Variants in MLF1 observed in about 807,000 individuals in gnomAD.
The protein encoded by MLF1 is myeloid leukemia factor 1.
Under a neutral mutation model 38.3 loss-of-function variants are expected in MLF1, and 37 were observed. The observed-to-expected ratio is 0.96, with a 90% CI of 0.74 to 1.27. The LOEUF is 1.27. Among genes scored for constraint, MLF1 ranks in the 50% most tolerant of loss-of-function variants. The pLI, the probability that MLF1 is intolerant of heterozygous loss-of-function variation, is 0.00. For synonymous variants in MLF1, 95 were observed against 106.5 expected, an observed-to-expected ratio of 0.89 and a Z score of 0.66; for missense variants, 331 against 349.2, an observed-to-expected ratio of 0.95 and a Z score of 0.42.
intron 1 of MLF1, among the ~76,000 whole-genome samples, chr3:158,579,332 A>G (rs1355377139): frequency 6.6e-6 from 1 of 152,204 alleles, no homozygotes; most frequent in Non-Finnish European, 1.5e-5. Flanking sequence ...GACAAGAGAA[A>G]CATTAAAGCC....
At chr3:158,588,830 A>G (rs1019740856) in intron 1 of MLF1, 2 of 456,162 alleles carry the variant, frequency 4.4e-6, no homozygotes, top group African/African-American at 4.0e-5. Context: ...AACAAACCTC[A>G]TTTGAGGATG....
At chr3:158,592,051 G>A (rs1283386433) in intron 1 of MLF1, among the ~76,000 whole-genome samples, 2 of 152,130 alleles carry the variant, frequency 1.3e-5, no homozygotes, top group Non-Finnish European at 2.9e-5. Context: ...TTAGTTTACA[G>A]TTGGGCAACA....
chr3:158,583,919 CA>C (rs1716808415), intron 1 of MLF1, among the ~76,000 whole-genome samples: 1 of 152,102 alleles, frequency 6.6e-6, no homozygotes, highest in Non-Finnish European at 1.5e-5. Flanking sequence ...AACAGAGCTC[CA>C]ACTGGACCAA....
chr3:158,576,356 A>G lies in MLF1; in HGVS notation c.47+5009A>G, dbSNP rs190068662. ...GGCATGCAGTTCTCTCAAGAATACTATCTTTCTCTCACATCTGTATTTGCT... is the reference window on the plus strand; with the variant it reads ...GGCATGCAGTTCTCTCAAGAATACTGTCTTTCTCTCACATCTGTATTTGCT... On this transcript the variant is annotated intron_variant, in intron 1 of 7. Transcript: ENST00000466246. Among the ~76,000 whole-genome samples the G allele has an allele frequency of 7.9e-5, 12 of 152,360 alleles. No individual in the cohort carries two copies. The East Asian group carries it at 1.9e-3, about 24-fold the overall frequency.
At chr3:158,599,687 T>A (rs1719456246) in intron 5 of MLF1, among the ~76,000 whole-genome samples, 1 of 152,138 alleles carries the variant, frequency 6.6e-6, no homozygotes, top group Non-Finnish European at 1.5e-5. Flanking sequence ...TTTGTAGGAA[T>A]CCCACCATAA....
At chr3:158,602,721 G>C in intron 6 of MLF1, 86 bp from the exon 7 acceptor site, 2 of 1,369,392 alleles carry the variant, frequency 1.5e-6, no homozygotes, top group South Asian at 1.4e-5. Context: ...GAAAACACCA[G>C]ACTAGACTGA....
At chr3:158,604,859 A>C (rs1489512073) in intron 7 of MLF1, among the ~76,000 whole-genome samples, 1 of 152,084 alleles carries the variant, frequency 6.6e-6, no homozygotes, top group Non-Finnish European at 1.5e-5. Flanking sequence ...GGGTTTCATC[A>C]TGTTGGCCAG....
chr3:158,585,215 G>A (rs369807574), intron 1 of MLF1, among the ~76,000 whole-genome samples: 3 of 152,086 alleles, frequency 2.0e-5, no homozygotes, highest in East Asian at 3.8e-4. Flanking sequence ...CCTCCCTGGA[G>A]GTTAGGGTGA....
rs536987644 is a variant in MLF1 at position 158,605,823 on chromosome 3, G to C, written c.*621G>C. ...AATTGCTAATGTACATGATTGTTTT[G>C]GTTATAATTTATTTATAGAATGTAT... On this transcript the variant is annotated 3_prime_UTR_variant, in exon 8 of 8. Coordinates refer to ENST00000466246, the MANE Select transcript of MLF1 (RefSeq NM_001369783.1). 1 of 178,948 alleles carries C rather than the reference G, an allele frequency of 5.6e-6. No homozygotes were observed. Among genetic ancestry groups the C allele is most frequent in the South Asian group, 2.0e-4 (1 of 5,040 alleles). 11.1% of individuals were successfully genotyped at this position (178,948 alleles called of 1,614,324 possible).
In MLF1 at chr3:158,587,742, C is replaced by T. The variant is rs1316832234; in HGVS notation, c.48-4692C>T. Among the ~76,000 whole-genome samples, 8 of 152,176 alleles carry T rather than the reference C, an allele frequency of 5.3e-5. No individual in the cohort carries two copies. In the South Asian group the frequency reaches 6.2e-4, roughly 12 times the overall value. ...TTGGCCTGGTGCGGTGGCCCACGCC[C>T]GTAATCCCAGCACTTTGGGAGGCCG... On this transcript the variant is annotated intron_variant, in intron 1 of 7. Transcript: ENST00000466246.
At chr3:158,586,663 A>T (rs1013955084) in intron 1 of MLF1, among the ~76,000 whole-genome samples, 1 of 152,152 alleles carries the variant, frequency 6.6e-6, no homozygotes, top group African/African-American at 2.4e-5. Flanking sequence ...CCATTTTTCC[A>T]TTCCTTGGAG....
intron 1 of MLF1, chr3:158,573,354 G>C (rs997259898): frequency 2.2e-5 from 3 of 136,966 alleles, no homozygotes; most frequent in Non-Finnish European, 3.2e-5. Flanking sequence ...AATAGGACAG[G>C]GAAGCTGATG....
intron 3 of MLF1, among the ~76,000 whole-genome samples, chr3:158,594,893 G>T (rs1464759312): frequency 6.6e-6 from 1 of 152,110 alleles, no homozygotes; most frequent in Non-Finnish European, 1.5e-5. Context: ...GGCATTTGAG[G>T]CATCTGTGAG....
rs1719501051 is a variant in MLF1, at chr3:158,600,011, C to T, written c.454-3C>T. On this transcript the variant is annotated splice_region_variant and splice_polypyrimidine_tract_variant and intron_variant, in intron 5 of 7. Coordinates refer to ENST00000466246, the MANE Select transcript of MLF1 (RefSeq NM_001369783.1). ...TAATAATAAAATTTCTTTATTTTTACAGATAAAGGAAACCAGGAAAGCAAT... is the reference window on the plus strand; with the variant it reads ...TAATAATAAAATTTCTTTATTTTTATAGATAAAGGAAACCAGGAAAGCAAT... The T allele has an allele frequency of 7.4e-7, 1 of 1,354,612 alleles. No homozygotes were observed. The highest frequency in any genetic ancestry group is 9.6e-7 in the Non-Finnish European group (1 of 1,040,978). The allele number at this position is 1,354,612 out of a possible 1,614,324, so 83.9% of individuals were successfully genotyped here. A position where few individuals can be genotyped will look rare whatever the true frequency, so the allele number is the denominator to read the frequency against.
intron 1 of MLF1, among the ~76,000 whole-genome samples, chr3:158,582,383 T>TG (rs1716532233): frequency 6.6e-6 from 1 of 151,452 alleles, no homozygotes; most frequent in East Asian, 1.9e-4. Context: ...AGATATAACC[T>TG]GTAATAGGAG....
intron 1 of MLF1, among the ~76,000 whole-genome samples, chr3:158,584,044 A>G (rs1455643969): frequency 6.6e-6 from 1 of 152,226 alleles, no homozygotes; most frequent in Non-Finnish European, 1.5e-5. Context: ...CAACAGTTGA[A>G]CAAAAGGAAA....
intron 4 of MLF1, 141 bp from the exon 5 acceptor site, chr3:158,597,939 C>G (rs1165148556): frequency 1.1e-6 from 1 of 906,332 alleles, no homozygotes; most frequent in East Asian, 2.6e-5. Context: ...ACTTGAGAAC[C>G]TGGGTGTGCC....
At chr3:158,575,569 C>G (rs142439342) in intron 1 of MLF1, among the ~76,000 whole-genome samples, 1 of 152,156 alleles carries the variant, frequency 6.6e-6, no homozygotes, top group Non-Finnish European at 1.5e-5. Flanking sequence ...TGACAAACTC[C>G]TTAATGAATC....
chr3:158,600,082 T>C lies in MLF1; in HGVS notation c.522T>C (p.His174=). 1 of 1,473,998 alleles carries C rather than the reference T, an allele frequency of 6.8e-7. No homozygotes were observed. The highest frequency in any genetic ancestry group is 9.1e-7 in the Non-Finnish European group (1 of 1,102,938). The allele number at this position is 1,473,998 out of a possible 1,614,324, so 91.3% of individuals were successfully genotyped here. A position where few individuals can be genotyped will look rare whatever the true frequency, so the allele number is the denominator to read the frequency against. ...TAGAAAAAATGGCTATTGGTCATCA[T>C]ATCCATGACCGAGCTCATGTCATTA... The part of the protein sequence containing the change: ...SGLEKMAIGH[H]IHDRAHVIKK... Residue 174 remains histidine (H), a synonymous_variant, in exon 6 of 8, where the codon CAT becomes CAC. Transcript: ENST00000466246.
Sources: gnomAD v4.1 joint callset for allele counts (sites outside exome capture counted in the v4.1 genomes callset) on GRCh38, gnomAD v4.1.1 for gene constraint, MANE v1.5 for transcripts, NCBI Gene and HGNC (gene_info 2026-07-23, HGNC 2026-07-21) for gene names.